Variants in PXDNL observed in about 807,000 individuals in gnomAD.
The protein encoded by PXDNL is peroxidasin like.
PXDNL carries 145 observed loss-of-function variants against 150.8 expected under a neutral mutation model. That is an observed-to-expected ratio of 0.96 (90% CI 0.84 to 1.10). The LOEUF is 1.10. PXDNL is among the 50% of genes least tolerant of loss of function. The probability of loss-of-function intolerance (pLI) is 0.00; values close to 1 mark genes in which losing one functional copy is unlikely to be tolerated. For missense variants in PXDNL, 2,087 were observed against 1,873.9 expected (o/e 1.11, Z -2.10); for synonymous variants, 757 against 725.7 (o/e 1.04, Z -0.69).
In PXDNL at chr8:51,539,262, A is replaced by G. The variant is rs148996743; in HGVS notation, c.380+17578T>C. Among the ~76,000 whole-genome samples the G allele has an allele frequency of 3.5e-3, 536 of 152,172 alleles. 7 individuals are homozygous for G. The highest frequency in any genetic ancestry group is 0.023 in the East Asian group (118 of 5,184). ...ATTTTTTAATCTGTTAATATAATAA[A>G]TTACATTTTTGTTTTTCGAATGATA... is the stretch of plus-strand genomic sequence containing the variant. On this transcript the variant is annotated intron_variant, in intron 4 of 22. Coordinates refer to ENST00000356297, the MANE Select transcript of PXDNL (RefSeq NM_144651.5).
At chr8:51,672,345 T>G (rs1815513742) in intron 1 of PXDNL, among the ~76,000 whole-genome samples, 1 of 152,188 alleles carries the variant, frequency 6.6e-6, no homozygotes, top group South Asian at 2.1e-4. Flanking sequence ...AGAAGTGGCT[T>G]TAAGTAAATT....
At chr8:51,535,755 A>G (rs1812060194) in intron 4 of PXDNL, among the ~76,000 whole-genome samples, 1 of 152,126 alleles carries the variant, frequency 6.6e-6, no homozygotes, top group Admixed American at 6.5e-5. Flanking sequence ...AAAGTTTGAG[A>G]AGAACTGGTA....
At chr8:51,487,974 A>G (rs990555074) in intron 5 of PXDNL, among the ~76,000 whole-genome samples, 2 of 152,238 alleles carry the variant, frequency 1.3e-5, no homozygotes, top group African/African-American at 4.8e-5. Context: ...AGATAAAGTC[A>G]TGGTAAATTT....
At chr8:51,729,193 C>T (rs761162470) in intron 1 of PXDNL, among the ~76,000 whole-genome samples, 1 of 152,144 alleles carries the variant, frequency 6.6e-6, no homozygotes, top group South Asian at 2.1e-4. Context: ...AAATTAAAAA[C>T]GCTATGTGAA....
intron 1 of PXDNL, among the ~76,000 whole-genome samples, chr8:51,725,886 A>T (rs1816810101): frequency 6.6e-6 from 1 of 152,198 alleles, no homozygotes; most frequent in Non-Finnish European, 1.5e-5. Context: ...CTAATTTTTC[A>T]AAAACTTTGC....
intron 2 of PXDNL, among the ~76,000 whole-genome samples, chr8:51,608,762 G>A (rs983899841): frequency 4.0e-5 from 6 of 149,024 alleles, no homozygotes; most frequent in East Asian, 4.0e-4. Context: ...GCGTGAACCC[G>A]GGAGGCGGAG....
At chr8:51,550,086 G>C (rs1812447390) in intron 4 of PXDNL, among the ~76,000 whole-genome samples, 1 of 152,056 alleles carries the variant, frequency 6.6e-6, no homozygotes, top group Non-Finnish European at 1.5e-5. Context: ...ACCTAGAGGA[G>C]ATGAATACAT....
chr8:51,737,218 C>CGAG (rs1491582429), intron 1 of PXDNL, among the ~76,000 whole-genome samples: 1 of 152,176 alleles, frequency 6.6e-6, no homozygotes, highest in Non-Finnish European at 1.5e-5. Context: ...AAAGATAAAA[C>CGAG]TCTGTTTTTC....
intron 1 of PXDNL, among the ~76,000 whole-genome samples, chr8:51,717,708 A>C (rs1035206807): frequency 6.6e-6 from 1 of 152,248 alleles, no homozygotes; most frequent in Non-Finnish European, 1.5e-5. Flanking sequence ...AAAAGGAAAT[A>C]GTGCCCATGA....
At chr8:51,340,539 C>T (rs548754676) in intron 20 of PXDNL, among the ~76,000 whole-genome samples, 1 of 152,126 alleles carries the variant, frequency 6.6e-6, no homozygotes, top group Non-Finnish European at 1.5e-5. Flanking sequence ...CAAAATTGTT[C>T]TGCTTTATTC....
intron 4 of PXDNL, among the ~76,000 whole-genome samples, chr8:51,543,004 T>C (rs1220949088): frequency 6.6e-6 from 1 of 151,858 alleles, no homozygotes; most frequent in Non-Finnish European, 1.5e-5. Flanking sequence ...ATAATTAATA[T>C]GGTAACAAAG....
chr8:51,693,341 C>T (rs1452380353), intron 1 of PXDNL, among the ~76,000 whole-genome samples: 2 of 152,212 alleles, frequency 1.3e-5, no homozygotes, highest in East Asian at 3.8e-4. Context: ...GCTGTCATTA[C>T]ATTAGGATCA....
intron 3 of PXDNL, among the ~76,000 whole-genome samples, chr8:51,578,799 A>G (rs1813143565): frequency 6.6e-6 from 1 of 151,998 alleles, no homozygotes; most frequent in Non-Finnish European, 1.5e-5. Context: ...GCCTAGAAAT[A>G]GACCTGCAAA....
intron 12 of PXDNL, among the ~76,000 whole-genome samples, chr8:51,438,146 C>T (rs1194368565): frequency 6.6e-6 from 1 of 152,126 alleles, no homozygotes; most frequent in Non-Finnish European, 1.5e-5. Flanking sequence ...CTTCAAAACA[C>T]TGCTGAAAGA....
At chr8:51,583,904 C>T (rs1325977339) in intron 3 of PXDNL, among the ~76,000 whole-genome samples, 2 of 152,020 alleles carry the variant, frequency 1.3e-5, no homozygotes, top group Admixed American at 6.6e-5. Context: ...AAAATAGTTG[C>T]CAGTACAGAG....
At chr8:51,752,821 A>T (rs928576140) in intron 1 of PXDNL, among the ~76,000 whole-genome samples, 1 of 152,204 alleles carries the variant, frequency 6.6e-6, no homozygotes, top group African/African-American at 2.4e-5. Flanking sequence ...ATGGAAGTTA[A>T]TTTGGTGGTC....
At chr8:51,712,876 A>T (rs1017827851) in intron 1 of PXDNL, among the ~76,000 whole-genome samples, 3 of 152,102 alleles carry the variant, frequency 2.0e-5, no homozygotes, top group Non-Finnish European at 4.4e-5. Flanking sequence ...TTTTTCAATT[A>T]TTCATGATTT....
intron 8 of PXDNL, among the ~76,000 whole-genome samples, chr8:51,464,579 A>G (rs1810160817): frequency 6.6e-6 from 1 of 152,154 alleles, no homozygotes; most frequent in Non-Finnish European, 1.5e-5. Flanking sequence ...CAGAGAGTCT[A>G]TTAAGAGGAA....
intron 10 of PXDNL, among the ~76,000 whole-genome samples, chr8:51,453,101 C>T (rs555511176): frequency 6.6e-5 from 10 of 152,334 alleles, no homozygotes; most frequent in East Asian, 3.9e-4. Context: ...GCTGTTGTTA[C>T]GCAGTCTGGC....
Sources: allele counts gnomAD v4.1 joint callset (sites outside exome capture counted in the v4.1 genomes callset), GRCh38; gene constraint gnomAD v4.1.1; transcripts MANE v1.5; gene names NCBI Gene and HGNC (gene_info 2026-07-23, HGNC 2026-07-21).